SEMA3E: variants seen among roughly 807,000 people sequenced by gnomAD.
The protein encoded by SEMA3E is semaphorin-3E.
A neutral mutation model predicts 93.6 loss-of-function variants in SEMA3E; 49 were observed. That is an observed-to-expected ratio of 0.52 (90% CI 0.42 to 0.66). The LOEUF (loss-of-function observed/expected upper bound fraction) is 0.66. Among genes scored for constraint, SEMA3E ranks in the 30% least tolerant of loss-of-function variants. The pLI, the probability that SEMA3E is intolerant of heterozygous loss-of-function variation, is 0.00. For synonymous variants in SEMA3E, 363 were observed against 330.7 expected (o/e 1.10, Z -1.06); for missense variants, 906 against 964.8 (o/e 0.94, Z 0.81).
rs10252196 is a variant in SEMA3E, at chr7:83,392,267, G to T, written c.1667+288C>A. Among the ~76,000 whole-genome samples, 23,803 of 151,944 alleles carry T rather than the reference G, an allele frequency of 0.16. 2,069 individuals carry two copies. The highest frequency in any genetic ancestry group is 0.24 in the African/African-American group (9,854 of 41,402). On this transcript the variant is annotated intron_variant, in intron 14 of 16. Coordinates refer to ENST00000643230, the MANE Select transcript of SEMA3E (RefSeq NM_012431.3). ...GGATGTATTTTAGAATTTCTTTATT[G>T]ATTTTCCTTTTAAGTCTTTGAATCT... is the stretch of plus-strand genomic sequence containing the variant.
intron 4 of SEMA3E, among the ~76,000 whole-genome samples, chr7:83,450,985 T>A (rs1789348161): frequency 6.6e-6 from 1 of 151,350 alleles, no homozygotes; most frequent in Non-Finnish European, 1.5e-5. Flanking sequence ...ATCCCCCTGG[T>A]CATGGGAGGA....
intron 1 of SEMA3E, among the ~76,000 whole-genome samples, chr7:83,605,098 G>A (rs1278785370): frequency 1.3e-5 from 2 of 152,150 alleles, no homozygotes. Flanking sequence ...GCATATGTGT[G>A]CATGTGTCTT....
intron 1 of SEMA3E, among the ~76,000 whole-genome samples, chr7:83,562,247 T>C (rs996924877): frequency 6.6e-6 from 1 of 152,068 alleles, no homozygotes; most frequent in Admixed American, 6.6e-5. Context: ...ACTTTTGCAT[T>C]TTTTTGTGAT....
Position 83,400,199 on chromosome 7 carries a change from C to A in SEMA3E, c.1195G>T (p.Asp399Tyr), listed in dbSNP as rs2115617107. The change falls in exon 11 of 17, where the codon GAT becomes TAT. Residue 399 changes from aspartate to tyrosine, a missense_variant. By Grantham distance (160) the Asp-to-Tyr change is radical. Coordinates refer to ENST00000643230, the MANE Select transcript of SEMA3E (RefSeq NM_012431.3). ...CTTCTTGCAAATCGGATGGCATCAT[C>A]AGGATAGTCCTTGGTGGTTCCGTAT... Reference protein sequence around the residue: ...GRYGTTKDYPDDAIRFARSHP... With the variant: ...GRYGTTKDYPYDAIRFARSHP... 1 of 1,613,940 alleles carries A rather than the reference C, an allele frequency of 6.2e-7. No individual in the cohort carries two copies. Among genetic ancestry groups the A allele is most frequent in the Non-Finnish European group, 8.5e-7 (1 of 1,179,924 alleles).
At chr7:83,540,054 TTG>T (rs1288453506) in intron 1 of SEMA3E, among the ~76,000 whole-genome samples, 10 of 152,140 alleles carry the variant, frequency 6.6e-5, no homozygotes, top group African/African-American at 2.4e-4. Context: ...TGGGTAATTT[TTG>T]TATTTTTAGT....
chr7:83,566,389 G>T (rs1188522220), intron 1 of SEMA3E, among the ~76,000 whole-genome samples: 1 of 151,994 alleles, frequency 6.6e-6, no homozygotes, highest in Admixed American at 6.6e-5. Context: ...TATAATCAAT[G>T]ATTGACTCTT....
chr7:83,443,708 T>A (rs1051688375), intron 4 of SEMA3E, among the ~76,000 whole-genome samples: 1 of 152,086 alleles, frequency 6.6e-6, no homozygotes, highest in Non-Finnish European at 1.5e-5. Flanking sequence ...ATTTTCAATA[T>A]TGATTTTAAA....
intron 1 of SEMA3E, among the ~76,000 whole-genome samples, chr7:83,548,918 C>A (rs1057396322): frequency 6.6e-6 from 1 of 152,056 alleles, no homozygotes; most frequent in Non-Finnish European, 1.5e-5. Flanking sequence ...AAACTCTCAA[C>A]ATTTAGGATT....
chr7:83,483,681 G>C (rs543670011), intron 2 of SEMA3E, among the ~76,000 whole-genome samples: 79 of 152,068 alleles, frequency 5.2e-4, no homozygotes, highest in African/African-American at 1.8e-3. Flanking sequence ...CTGGGACCCA[G>C]AGCATGGGCT....
At chr7:83,538,233 T>G (rs1791445221) in intron 1 of SEMA3E, among the ~76,000 whole-genome samples, 1 of 152,128 alleles carries the variant, frequency 6.6e-6, no homozygotes, top group Non-Finnish European at 1.5e-5. Context: ...AGTTTCTGGG[T>G]CATAGGGCAA....
intron 16 of SEMA3E, among the ~76,000 whole-genome samples, chr7:83,374,022 C>T (rs1794784867): frequency 6.6e-6 from 1 of 151,882 alleles, no homozygotes; most frequent in Non-Finnish European, 1.5e-5. Flanking sequence ...GCATGACCAA[C>T]ATGCAGAAAC....
At chr7:83,454,623 T>G (rs1454438564) in intron 4 of SEMA3E, among the ~76,000 whole-genome samples, 1 of 152,038 alleles carries the variant, frequency 6.6e-6, no homozygotes, top group Non-Finnish European at 1.5e-5. Flanking sequence ...GAAAAAAAAG[T>G]TAAGAAACAA....
chr7:83,570,551 T>TCAAAAAAAAAAAAACAAAAAAAAAAA, intron 1 of SEMA3E, among the ~76,000 whole-genome samples: 1 of 18,762 alleles, frequency 5.3e-5, no homozygotes, highest in African/African-American at 1.1e-3. Flanking sequence ...AGACTCCGTC[T>TCAAAAAAAAAAAAACAAAAAAAAAAA]CAAAAAAAAA....
At chr7:83,494,319 C>T (rs1790445435) in intron 1 of SEMA3E, among the ~76,000 whole-genome samples, 1 of 151,510 alleles carries the variant, frequency 6.6e-6, no homozygotes, top group Admixed American at 6.6e-5. Context: ...TGCTTAGGAG[C>T]ATTATCTAGT....
At chr7:83,371,826 T>C (rs1794753177) in intron 16 of SEMA3E, 1 of 152,842 alleles carries the variant, frequency 6.5e-6, no homozygotes, top group South Asian at 2.1e-4. Context: ...GTTTTTTCAT[T>C]TCCTTCCAGG....
At chr7:83,508,106 CT>C (rs1790740948) in intron 1 of SEMA3E, among the ~76,000 whole-genome samples, 1 of 152,092 alleles carries the variant, frequency 6.6e-6, no homozygotes, top group South Asian at 2.1e-4. Flanking sequence ...AATTACAGCC[CT>C]CAGAGAGCCT....
chr7:83,463,855 C>T (rs1789691308), intron 4 of SEMA3E, among the ~76,000 whole-genome samples: 2 of 152,134 alleles, frequency 1.3e-5, no homozygotes, highest in South Asian at 2.1e-4. Flanking sequence ...ACATCAAGCT[C>T]GAGGATTTGC....
At chr7:83,494,564 T>A (rs1470758057) in intron 1 of SEMA3E, among the ~76,000 whole-genome samples, 1 of 151,758 alleles carries the variant, frequency 6.6e-6, no homozygotes, top group Non-Finnish European at 1.5e-5. Context: ...GAACAGAGAT[T>A]AAATTAAAGT....
intron 14 of SEMA3E, among the ~76,000 whole-genome samples, chr7:83,387,713 G>A (rs1031539155): frequency 3.3e-5 from 5 of 150,450 alleles, no homozygotes; most frequent in African/African-American, 4.9e-5. Flanking sequence ...AATCTGCCTC[G>A]TATAATTAGA....
Sources: gnomAD v4.1 joint callset for allele counts (sites outside exome capture counted in the v4.1 genomes callset) on GRCh38, gnomAD v4.1.1 for gene constraint, MANE v1.5 for transcripts, NCBI Gene and HGNC (gene_info 2026-07-23, HGNC 2026-07-21) for gene names.